IGF1: variants seen among roughly 807,000 people sequenced by gnomAD.
IGF1 encodes the protein insulin-like growth factor 1.
IGF1 carries 4 observed loss-of-function variants against 13.8 expected under a neutral mutation model. The ratio of observed to expected loss-of-function variants is 0.29; its 90% CI spans 0.14 to 0.66. The LOEUF is 0.66. Ranked by LOEUF, IGF1 falls within the 30% of genes least tolerant of loss-of-function variation. The probability of loss-of-function intolerance (pLI) is 0.78; values close to 1 mark genes in which losing one functional copy is unlikely to be tolerated. For missense variants in IGF1, 124 were observed against 188.5 expected (o/e 0.66, Z 2.00); for synonymous variants, 76 against 72.6 (o/e 1.05, Z -0.23).
chr12:102,436,465 G>A (rs894149346), intron 2 of IGF1, among the ~76,000 whole-genome samples: 5 of 152,176 alleles, frequency 3.3e-5, no homozygotes, highest in Non-Finnish European at 5.9e-5. Flanking sequence ...AGACTTCCCA[G>A]GAACCCAAAC....
Position 102,398,648 on chromosome 12 carries a change from G to A in IGF1, c.*3859C>T, listed in dbSNP as rs1873424314. The A allele has an allele frequency of 6.6e-6, 1 of 152,108 alleles. No individual in the cohort carries two copies. The highest frequency in any genetic ancestry group is 6.6e-5 in the Admixed American group (1 of 15,248). The allele number at this position is 152,108 out of a possible 1,614,324, so 9.4% of individuals were successfully genotyped here. ...CCTGCACCCCCAAATTCACAATTTGGTGAACAGTACACTACTTGTGAGTGA... is the reference window on the plus strand; with the variant it reads ...CCTGCACCCCCAAATTCACAATTTGATGAACAGTACACTACTTGTGAGTGA... On this transcript the variant is annotated 3_prime_UTR_variant, in exon 4 of 4. Coordinates refer to ENST00000337514, the MANE Select transcript of IGF1 (RefSeq NM_000618.5).
At chr12:102,475,896 C>G in intron 1 of IGF1, 97 bp from the exon 2 acceptor site, 1 of 1,279,332 alleles carries the variant, frequency 7.8e-7, no homozygotes, top group Non-Finnish European at 1.1e-6. Flanking sequence ...GATTCCACGA[C>G]TGTCATTAAT....
chr12:102,439,459 A>T (rs1479072597), intron 2 of IGF1, among the ~76,000 whole-genome samples: 1 of 152,216 alleles, frequency 6.6e-6, no homozygotes, highest in Admixed American at 6.5e-5. Context: ...AGATGTTTAA[A>T]ATAGACAAAA....
chr12:102,450,231 T>TA (rs1344725160), intron 2 of IGF1, among the ~76,000 whole-genome samples: 1 of 152,236 alleles, frequency 6.6e-6, no homozygotes, highest in Non-Finnish European at 1.5e-5. Context: ...CCAGTTCACT[T>TA]ATTTGCTGCT....
In IGF1 at chr12:102,397,125, C is replaced by T. The variant is rs1227268820; in HGVS notation, c.*5382G>A. 1 of 302,394 alleles carries T rather than the reference C, an allele frequency of 3.3e-6. No individual in the cohort carries two copies. The highest frequency in any genetic ancestry group is 6.0e-6 in the Non-Finnish European group (1 of 166,390). 18.7% of individuals were successfully genotyped at this position (302,394 alleles called of 1,614,324 possible). A position where few individuals can be genotyped will look rare whatever the true frequency, so the allele number is the denominator to read the frequency against. ...GCTGAGGCAGGAGAATCGCTTAAAC[C>T]CAGGAGGTGGAGGTTGCAGTGAGCC... On this transcript the variant is annotated 3_prime_UTR_variant, in exon 4 of 4. Transcript: ENST00000337514.
intron 3 of IGF1, among the ~76,000 whole-genome samples, chr12:102,408,794 T>C (rs535102914): frequency 1.8e-4 from 27 of 152,292 alleles, no homozygotes; most frequent in African/African-American, 6.3e-4. Flanking sequence ...ATGACTTTGC[T>C]GAACTTTCCT....
chr12:102,460,155 C>A (rs1034408268), intron 2 of IGF1, among the ~76,000 whole-genome samples: 6 of 152,096 alleles, frequency 3.9e-5, no homozygotes, highest in African/African-American at 1.4e-4. Flanking sequence ...TTTGTTTTTG[C>A]TTATAATCTC....
intron 2 of IGF1, among the ~76,000 whole-genome samples, chr12:102,469,566 A>G (rs1037421523): frequency 3.9e-5 from 6 of 152,156 alleles, no homozygotes; most frequent in Non-Finnish European, 5.9e-5. Context: ...CAATTTTTCC[A>G]GAAGCTAAAA....
At chr12:102,405,586 C>CAA (rs2136949270) in intron 3 of IGF1, among the ~76,000 whole-genome samples, 1 of 152,262 alleles carries the variant, frequency 6.6e-6, no homozygotes, top group South Asian at 2.1e-4. Context: ...AACTACTAAC[C>CAA]AAATTAATTA....
At chr12:102,432,420 G>A (rs190672801) in intron 2 of IGF1, among the ~76,000 whole-genome samples, 11 of 152,180 alleles carry the variant, frequency 7.2e-5, no homozygotes, top group Admixed American at 2.0e-4. Context: ...CCAAGGAATG[G>A]AATTACTGAG....
At chr12:102,478,036 T>A (rs1405235342) in intron 1 of IGF1, among the ~76,000 whole-genome samples, 6 of 149,950 alleles carry the variant, frequency 4.0e-5, no homozygotes, top group Non-Finnish European at 8.9e-5. Context: ...GTCAGATAAA[T>A]CTCAGTACTT....
chr12:102,429,421 C>G (rs1876536049), intron 2 of IGF1, among the ~76,000 whole-genome samples: 1 of 152,114 alleles, frequency 6.6e-6, no homozygotes, highest in Admixed American at 6.6e-5. Flanking sequence ...ATCTTCTGGC[C>G]TTCACTGAGC....
At chr12:102,416,316 A>G (rs977296353) in intron 3 of IGF1, among the ~76,000 whole-genome samples, 8 of 152,244 alleles carry the variant, frequency 5.3e-5, no homozygotes, top group Middle Eastern at 3.4e-3. Context: ...TTGCTTTATT[A>G]TCTATGAAGA....
chr12:102,454,972 A>T (rs1879271243), intron 2 of IGF1, among the ~76,000 whole-genome samples: 1 of 152,192 alleles, frequency 6.6e-6, no homozygotes. Context: ...CTGCTTTTCC[A>T]CATCAGCTCT....
At chr12:102,423,553 T>G (rs1004385730) in intron 2 of IGF1, among the ~76,000 whole-genome samples, 2 of 152,226 alleles carry the variant, frequency 1.3e-5, no homozygotes, top group African/African-American at 4.8e-5. Context: ...AGACTTTGAC[T>G]CCTCCATGAC....
At chr12:102,423,711 G>A (rs934651378) in intron 2 of IGF1, among the ~76,000 whole-genome samples, 5 of 152,122 alleles carry the variant, frequency 3.3e-5, no homozygotes, top group African/African-American at 1.2e-4. Context: ...AATCTTCAGG[G>A]CAAACTTGCT....
intron 2 of IGF1, among the ~76,000 whole-genome samples, chr12:102,452,258 T>G (rs1879020975): frequency 7.0e-5 from 2 of 28,696 alleles, no homozygotes; most frequent in African/African-American, 9.6e-5. Context: ...CGAGACTCCG[T>G]CTCAAAAAAA....
Position 102,399,090 on chromosome 12 carries a change from T to C in IGF1, c.*3417A>G, listed in dbSNP as rs971076537. 6.6e-6 allele frequency: 1 copy of C among 150,674 alleles called. No individual in the cohort carries two copies. Among genetic ancestry groups the C allele is most frequent in the African/African-American group, 2.5e-5 (1 of 40,498 alleles). 9.3% of individuals were successfully genotyped at this position (150,674 alleles called of 1,614,324 possible). A position where few individuals can be genotyped will look rare whatever the true frequency, so the allele number is the denominator to read the frequency against. On this transcript the variant is annotated 3_prime_UTR_variant, in exon 4 of 4. Coordinates refer to ENST00000337514, the MANE Select transcript of IGF1 (RefSeq NM_000618.5). Reference sequence around the variant, plus strand: ...GAAGTGATTTCTTTTCAGTATTCCATTGGATCCTTAGGGTGAATGTGTGTG... The same window carrying C: ...GAAGTGATTTCTTTTCAGTATTCCACTGGATCCTTAGGGTGAATGTGTGTG...
chr12:102,453,053 T>C (rs913873732), intron 2 of IGF1, among the ~76,000 whole-genome samples: 4 of 152,232 alleles, frequency 2.6e-5, no homozygotes, highest in Non-Finnish European at 4.4e-5. Context: ...CTGAGAACTT[T>C]ATCAGAATGA....
Sources: gnomAD v4.1 joint callset for allele counts (sites outside exome capture counted in the v4.1 genomes callset) on GRCh38, gnomAD v4.1.1 for gene constraint, MANE v1.5 for transcripts, NCBI Gene and HGNC (gene_info 2026-07-23, HGNC 2026-07-21) for gene names.